ST18: variants seen among roughly 807,000 people sequenced by gnomAD.
ST18 encodes the protein suppression of tumorigenicity 18 protein.
In ST18, 50 loss-of-function variants were observed where a neutral mutation model predicts 110.0. That is an observed-to-expected ratio of 0.45 (90% CI 0.36 to 0.58). ST18 has a LOEUF of 0.58. Among genes scored for constraint, ST18 ranks in the 20% least tolerant of loss-of-function variants. The pLI is 0.00. For missense variants in ST18, 1,306 were observed against 1,280.1 expected, an observed-to-expected ratio of 1.02 and a Z score of -0.31; for synonymous variants, 461 against 452.4, an observed-to-expected ratio of 1.02 and a Z score of -0.24.
At chr8:52,132,216 A>G (rs1424045706) in intron 21 of ST18, 37 bp from the exon 22 acceptor site, 1 of 1,553,204 alleles carries the variant, frequency 6.4e-7, no homozygotes, top group African/African-American at 1.4e-5. Flanking sequence ...GCCAGGAAGA[A>G]GGCAGTGATA....
At chr8:52,196,640 T>C (rs1015400410) in intron 8 of ST18, among the ~76,000 whole-genome samples, 3 of 152,184 alleles carry the variant, frequency 2.0e-5, no homozygotes, top group Non-Finnish European at 4.4e-5. Context: ...TTTATAACTG[T>C]TCTATTTTAT....
chr8:52,228,775 A>G (rs931362744), intron 3 of ST18, among the ~76,000 whole-genome samples: 1 of 152,134 alleles, frequency 6.6e-6, no homozygotes, highest in African/African-American at 2.4e-5. Flanking sequence ...ACCAGGATTC[A>G]CATGGCCACC....
chr8:52,154,720 G>A (rs1411868107), intron 15 of ST18: 1 of 152,016 alleles, frequency 6.6e-6, no homozygotes. Context: ...TTACAACCAA[G>A]TTCTAGAATC....
In ST18 at chr8:52,159,022, T is replaced by C; in HGVS notation, c.1682A>G (p.Tyr561Cys). The C allele has an allele frequency of 1.2e-6, 2 of 1,614,158 alleles. No homozygotes were observed. Among genetic ancestry groups the C allele is most frequent in the South Asian group, 2.2e-5 (2 of 91,082 alleles). The part of the protein sequence containing the change: ...HTQSPGRASS[Y>C]SYGQCSEDTH... Reference sequence around the variant, plus strand: ...GTCTTCACTACATTGACCGTAGCTATAAGAGCTGGCACGGCCAGGGCTCTG... The same window carrying C: ...GTCTTCACTACATTGACCGTAGCTACAAGAGCTGGCACGGCCAGGGCTCTG... Residue 561 changes from tyrosine (Y) to cysteine (C), a missense_variant, in exon 15 of 26, where the codon TAT becomes TGT. By Grantham distance (194) the Tyr-to-Cys change is radical (BLOSUM62 -2). Coordinates refer to ENST00000689386, the MANE Select transcript of ST18 (RefSeq NM_001352837.2).
At chr8:52,201,688 C>T (rs772037459) in intron 8 of ST18, among the ~76,000 whole-genome samples, 6 of 152,208 alleles carry the variant, frequency 3.9e-5, no homozygotes, top group Non-Finnish European at 7.3e-5. Flanking sequence ...GGCTGCCCAG[C>T]CTTCAGTTTC....
At chr8:52,364,941 T>A (rs1352818821) in intron 2 of ST18, among the ~76,000 whole-genome samples, 1 of 151,938 alleles carries the variant, frequency 6.6e-6, no homozygotes, top group East Asian at 1.9e-4. Context: ...AAAATCCCCG[T>A]CTCTACTAAA....
intron 2 of ST18, among the ~76,000 whole-genome samples, chr8:52,360,172 CT>C (rs1207181992): frequency 6.6e-6 from 1 of 152,036 alleles, no homozygotes; most frequent in African/African-American, 2.4e-5. Context: ...TCCCCTAAAT[CT>C]TAACCTGTCA....
chr8:52,357,720 TATA>T lies in ST18; in HGVS notation c.-465+51605_-465+51607del, dbSNP rs1564568811. 3.0e-3 allele frequency among the ~76,000 whole-genome samples: 218 copies of T among 71,758 alleles called. 4 individuals carry two copies. Among genetic ancestry groups the T allele is most frequent in the African/African-American group, 0.021 (200 of 9,714 alleles). 47.1% of individuals were successfully genotyped at this position (71,758 alleles called of 152,430 possible). On this transcript the variant is annotated intron_variant, in intron 2 of 25. Coordinates refer to ENST00000689386, the MANE Select transcript of ST18 (RefSeq NM_001352837.2). The stretch of plus-strand genomic sequence containing the variant: ...ATATATATATATATATATATATATA[TATA>T]TATATATAAAACAGACTCAAAGGGA...
At chr8:52,251,291 T>C (rs926116776) in intron 2 of ST18, among the ~76,000 whole-genome samples, 2 of 152,130 alleles carry the variant, frequency 1.3e-5, no homozygotes. Context: ...TTTCAACAAA[T>C]GGGAAAAGCC....
chr8:52,208,601 A>C (rs62501023), intron 8 of ST18, among the ~76,000 whole-genome samples: 21,370 of 152,098 alleles, frequency 0.14, 1,711 homozygotes, highest in Middle Eastern at 0.25. Context: ...CCGAGGCGGG[A>C]GGATCACGAG....
chr8:52,235,405 G>A (rs1346157585), intron 2 of ST18, among the ~76,000 whole-genome samples: 2 of 152,126 alleles, frequency 1.3e-5, no homozygotes, highest in Admixed American at 6.5e-5. Flanking sequence ...GGAAGGGCAA[G>A]GGTGCTCTTC....
At position 52,165,244 on chromosome 8, in the gene ST18, A is replaced by G. The variant is rs753121239; in HGVS notation, c.1205-19T>C. The G allele has an allele frequency of 5.0e-6, 8 of 1,613,088 alleles. No individual in the cohort carries two copies. The Admixed American group carries it at 1.2e-4, about 24-fold the overall frequency. ...GCAAGAACTAAGCACAAAACAACAC[A>G]TAAAGGAAAGAATACTTTACCATAA... On this transcript the variant is annotated intron_variant, in intron 11 of 25. Transcript: ENST00000689386.
At chr8:52,192,506 A>T (rs1226407750) in intron 8 of ST18, among the ~76,000 whole-genome samples, 1 of 152,226 alleles carries the variant, frequency 6.6e-6, no homozygotes, top group Non-Finnish European at 1.5e-5. Context: ...CACAGAGCCC[A>T]GAAATTGCTA....
At chr8:52,184,347 T>C (rs970301661) in intron 8 of ST18, among the ~76,000 whole-genome samples, 7 of 152,184 alleles carry the variant, frequency 4.6e-5, no homozygotes, top group African/African-American at 1.7e-4. Flanking sequence ...GCAGCAAATA[T>C]CTTTCAACTC....
chr8:52,396,833 C>A (rs9643801), intron 2 of ST18, among the ~76,000 whole-genome samples: 33,634 of 152,134 alleles, frequency 0.22, 3,986 homozygotes, highest in South Asian at 0.3. Flanking sequence ...CAGAGCCAGA[C>A]CATATCAACT....
At chr8:52,192,766 G>C (rs902732547) in intron 8 of ST18, among the ~76,000 whole-genome samples, 3 of 152,166 alleles carry the variant, frequency 2.0e-5, no homozygotes. Flanking sequence ...CCAAATCTAG[G>C]TCCTGTAGGT....
intron 2 of ST18, among the ~76,000 whole-genome samples, chr8:52,259,049 G>T (rs1298186689): frequency 1.3e-5 from 2 of 152,154 alleles, no homozygotes; most frequent in Non-Finnish European, 2.9e-5. Context: ...TCTAAAACCT[G>T]CTGAGACACA....
chr8:52,165,439 GT>G (rs2062656341), intron 11 of ST18, among the ~76,000 whole-genome samples: 1 of 152,174 alleles, frequency 6.6e-6, no homozygotes, highest in Non-Finnish European at 1.5e-5. Flanking sequence ...TAAACTCCAC[GT>G]TGTGTTTACA....
intron 2 of ST18, among the ~76,000 whole-genome samples, chr8:52,287,810 G>C (rs921937995): frequency 2.6e-5 from 4 of 152,140 alleles, no homozygotes; most frequent in African/African-American, 9.7e-5. Context: ...TTACATATCT[G>C]AGCTAGTGGG....
Sources: gnomAD v4.1 joint callset for allele counts (sites outside exome capture counted in the v4.1 genomes callset) on GRCh38, gnomAD v4.1.1 for gene constraint, MANE v1.5 for transcripts, NCBI Gene and HGNC (gene_info 2026-07-23, HGNC 2026-07-21) for gene names.